Variants in FUT8 observed in about 807,000 individuals in gnomAD.
FUT8 encodes alpha-(1,6)-fucosyltransferase.
FUT8 carries 29 observed loss-of-function variants against 71.3 expected under a neutral mutation model. That is an observed-to-expected ratio of 0.41 (90% CI 0.30 to 0.55). FUT8 has a LOEUF of 0.55. FUT8 is among the 20% of genes least tolerant of loss of function. The probability of loss-of-function intolerance (pLI) is 0.34; values close to 1 mark genes in which losing one functional copy is unlikely to be tolerated. For synonymous variants in FUT8, 254 were observed against 239.3 expected (o/e 1.06, Z -0.57); for missense variants, 544 against 702.1 (o/e 0.77, Z 2.55).
intron 1 of FUT8, among the ~76,000 whole-genome samples, chr14:65,426,045 C>CA (rs1362433153): frequency 5.9e-5 from 9 of 151,988 alleles, no homozygotes; most frequent in African/African-American, 2.2e-4. Flanking sequence ...CTGTGGTCAC[C>CA]ATGCTGTACG....
At chr14:65,468,323 T>C in intron 2 of FUT8, 1 of 605,144 alleles carries the variant, frequency 1.7e-6, no homozygotes, top group Non-Finnish European at 3.1e-6. Flanking sequence ...GTGCCTCTCT[T>C]CTTTCCCTTT....
chr14:65,738,538 A>G (rs572815324), intron 10 of FUT8, among the ~76,000 whole-genome samples: 11 of 152,226 alleles, frequency 7.2e-5, no homozygotes, highest in African/African-American at 2.4e-4. Flanking sequence ...AACACAGAAT[A>G]AAGTTAAACA....
At chr14:65,657,707 C>G (rs977357298) in intron 6 of FUT8, among the ~76,000 whole-genome samples, 1 of 151,676 alleles carries the variant, frequency 6.6e-6, no homozygotes, top group African/African-American at 2.4e-5. Flanking sequence ...GGTAAGGGGA[C>G]GTGGTTAATG....
At chr14:65,720,083 G>C (rs1895334657) in intron 7 of FUT8, among the ~76,000 whole-genome samples, 1 of 151,898 alleles carries the variant, frequency 6.6e-6, no homozygotes, top group Non-Finnish European at 1.5e-5. Context: ...GGCAGGTCCA[G>C]AGATGCCATC....
chr14:65,736,319 A>G (rs954815639), intron 10 of FUT8, among the ~76,000 whole-genome samples: 1 of 151,756 alleles, frequency 6.6e-6, no homozygotes, highest in African/African-American at 2.4e-5. Context: ...GAGACACTCT[A>G]TAGTATTTAT....
At chr14:65,556,947 C>T (rs1203625907) in intron 2 of FUT8, among the ~76,000 whole-genome samples, 2 of 152,180 alleles carry the variant, frequency 1.3e-5, no homozygotes, top group African/African-American at 4.8e-5. Context: ...TGTAGCAGAA[C>T]TGAGACTCCA....
At chr14:65,589,568 C>T (rs1017147763) in intron 3 of FUT8, among the ~76,000 whole-genome samples, 2 of 151,824 alleles carry the variant, frequency 1.3e-5, no homozygotes, top group African/African-American at 4.8e-5. Flanking sequence ...CTCAGCCTCC[C>T]GAGTAGCTGG....
chr14:65,393,537 A>G, the FUT8 span, among the ~76,000 whole-genome samples: 2 of 152,196 alleles, frequency 1.3e-5, no homozygotes, highest in African/African-American at 2.4e-5. Flanking sequence ...ATTTTTTTCA[A>G]TGAATTGTGG....
chr14:65,572,704 C>G (rs1292237893), intron 3 of FUT8, among the ~76,000 whole-genome samples: 2 of 151,968 alleles, frequency 1.3e-5, no homozygotes, highest in African/African-American at 4.8e-5. Context: ...AAATTATCAG[C>G]GATAAAGATG....
chr14:65,696,082 A>G (rs906568948), intron 7 of FUT8, among the ~76,000 whole-genome samples: 2 of 152,140 alleles, frequency 1.3e-5, no homozygotes, highest in African/African-American at 4.8e-5. Context: ...CGTGTTAGTT[A>G]TCCATAAGCT....
intron 9 of FUT8, among the ~76,000 whole-genome samples, chr14:65,729,939 C>T (rs1350634028): frequency 6.6e-6 from 1 of 151,144 alleles, no homozygotes; most frequent in Non-Finnish European, 1.5e-5. Flanking sequence ...TTATTTTCGA[C>T]TTGAGTCGTT....
intron 6 of FUT8, among the ~76,000 whole-genome samples, chr14:65,632,443 C>T (rs1490498805): frequency 6.6e-6 from 1 of 152,132 alleles, no homozygotes; most frequent in Non-Finnish European, 1.5e-5. Flanking sequence ...TGGTATTGCA[C>T]TGTGGTTTTG....
At chr14:65,722,438 T>C (rs2139354743) in intron 8 of FUT8, among the ~76,000 whole-genome samples, 1 of 152,290 alleles carries the variant, frequency 6.6e-6, no homozygotes, top group South Asian at 2.1e-4. Flanking sequence ...TCTAAAGGCA[T>C]GTATCACCAT....
At chr14:65,424,539 C>CTTTTTTTTTTTT (rs796843891) in intron 1 of FUT8, among the ~76,000 whole-genome samples, 11 of 125,446 alleles carry the variant, frequency 8.8e-5, no homozygotes, top group African/African-American at 2.1e-4. Flanking sequence ...CTTTTCTTTT[C>CTTTTTTTTTTTT]TTTTTTTTTT....
intron 2 of FUT8, among the ~76,000 whole-genome samples, chr14:65,486,179 G>A (rs993873315): frequency 6.6e-5 from 10 of 152,016 alleles, no homozygotes; most frequent in Non-Finnish European, 1.5e-4. Context: ...TATACAAATT[G>A]TATTGGCAAT....
At chr14:65,381,296 A>C in the FUT8 span, among the ~76,000 whole-genome samples, 2 of 152,172 alleles carry the variant, frequency 1.3e-5, no homozygotes, top group East Asian at 1.9e-4. Flanking sequence ...TCATAACTGA[A>C]ATGTTTTCCT....
chr14:65,654,694 A>G (rs1057334931), intron 6 of FUT8, among the ~76,000 whole-genome samples: 3 of 152,218 alleles, frequency 2.0e-5, no homozygotes, highest in Non-Finnish European at 2.9e-5. Flanking sequence ...AGATAAATCA[A>G]AATTAAATAC....
chr14:65,370,960 A>T, the FUT8 span, among the ~76,000 whole-genome samples: 6 of 152,206 alleles, frequency 3.9e-5, no homozygotes, highest in African/African-American at 1.4e-4. Context: ...AAACTGTGGG[A>T]CGCTAAATAT....
chr14:65,402,541 G>T, the FUT8 span, among the ~76,000 whole-genome samples: 1 of 152,050 alleles, frequency 6.6e-6, no homozygotes, highest in Non-Finnish European at 1.5e-5. Context: ...GGTGGCAGGC[G>T]CCTGTAATCG....
Sources: gnomAD v4.1 joint callset for allele counts (sites outside exome capture counted in the v4.1 genomes callset) on GRCh38, gnomAD v4.1.1 for gene constraint, MANE v1.5 for transcripts, NCBI Gene and HGNC (gene_info 2026-07-23, HGNC 2026-07-21) for gene names.